The following RADIL variants were observed in gnomAD, a reference collection of about 807,000 sequenced individuals.
The protein encoded by RADIL is ras-associating and dilute domain-containing protein.
In RADIL, 99 loss-of-function variants were observed where a neutral mutation model predicts 97.6. That is an observed-to-expected ratio of 1.01 (90% CI 0.86 to 1.20). RADIL has a LOEUF of 1.20. Among genes scored for constraint, RADIL ranks in the 50% most tolerant of loss-of-function variants. The pLI is 0.00. For missense variants in RADIL, 1,765 were observed against 1,498.9 expected, an observed-to-expected ratio of 1.18 and a Z score of -2.93; for synonymous variants, 803 against 691.8, an observed-to-expected ratio of 1.16 and a Z score of -2.52.
Position 4,834,830 on chromosome 7 carries a change from G to A in RADIL, c.1193C>T (p.Ala398Val), listed in dbSNP as rs1783249319. The A allele has an allele frequency of 2.3e-6, 3 of 1,316,968 alleles. No homozygotes were observed. Among genetic ancestry groups the A allele is most frequent in the Non-Finnish European group, 2.9e-6 (3 of 1,030,652 alleles). 81.6% of individuals were successfully genotyped at this position (1,316,968 alleles called of 1,614,324 possible). A position where few individuals can be genotyped will look rare whatever the true frequency, so the allele number is the denominator to read the frequency against. ...GAGCAGCTGCTGGCGCCGGGGCAGG[G>A]CGGCCTGAGTAGGGGAGGCGGCTCC... ...ARGAASPTQA[A>V]LPRRQQLLLE... Residue 398 changes from alanine (A) to valine (V), a missense_variant, in exon 4 of 15, where the codon GCC becomes GTC. Physicochemically the swap from Ala to Val is moderately conservative, Grantham distance 64. Coordinates refer to ENST00000399583, the MANE Select transcript of RADIL (RefSeq NM_018059.5). This position sits in a 1 kb window ranked among gnomAD's most constrained non-coding sequence, Gnocchi z 6.0.
At position 4,835,860 on chromosome 7, in the gene RADIL, C is replaced by T. The variant is rs902016001; in HGVS notation, c.783+498G>A. ...GGTGGCCCTGCGCCTGGCATTTGCT[C>T]GGGGCGACAGCCTGCCTGCTCTGAT... On this transcript the variant is annotated intron_variant, in intron 3 of 14. Coordinates refer to ENST00000399583, the MANE Select transcript of RADIL (RefSeq NM_018059.5). The surrounding 1 kb of genome is among the most constrained non-coding windows in gnomAD (Gnocchi z 5.8). 2.0e-5 allele frequency among the ~76,000 whole-genome samples: 3 copies of T among 152,210 alleles called. No individual in the cohort carries two copies. The highest frequency in any genetic ancestry group is 2.1e-4 in the South Asian group (1 of 4,832).
chr7:4,802,996 G>A (rs1782162758), intron 11 of RADIL, among the ~76,000 whole-genome samples: 1 of 79,118 alleles, frequency 1.3e-5, no homozygotes, highest in Non-Finnish European at 2.3e-5. Context: ...GGGCACTCTG[G>A]CTGGGCCCCC....
At chr7:4,846,143 T>C (rs1226406319) in intron 2 of RADIL, among the ~76,000 whole-genome samples, 1 of 118,774 alleles carries the variant, frequency 8.4e-6, no homozygotes, top group Non-Finnish European at 1.8e-5. Flanking sequence ...TTTTTTTTTT[T>C]TTAAAGAGAC....
chr7:4,874,302 C>A (rs1309380898), intron 2 of RADIL, among the ~76,000 whole-genome samples: 2 of 152,260 alleles, frequency 1.3e-5, no homozygotes, highest in Non-Finnish European at 2.9e-5. Context: ...CTGTTTGAGG[C>A]AGGGCTGTCC....
chr7:4,815,368 G>A lies in RADIL; in HGVS notation c.2049C>T (p.Ser683=), dbSNP rs374023405. 6 of 1,560,934 alleles carry A rather than the reference G, an allele frequency of 3.8e-6. No homozygotes were observed. The highest frequency in any genetic ancestry group is 3.9e-5 in the Admixed American group (2 of 51,408). ...RLQQLLEWMR[S]AGFGAAGEHF... is the part of the protein sequence containing the mutation. ...GCTCTCCAGCCGCCCCGAAGCCGGC[G>A]CTCCGCATCCACTCCAGGAGCTGCT... Residue 683 remains serine, a synonymous_variant, in exon 9 of 15, where the codon AGC becomes AGT. Coordinates refer to ENST00000399583, the MANE Select transcript of RADIL (RefSeq NM_018059.5). This position sits in a 1 kb window ranked among gnomAD's most constrained non-coding sequence, Gnocchi z 8.0.
intron 14 of RADIL, 69 bp from the exon 15 acceptor site, chr7:4,799,552 C>T (rs980527448): frequency 5.0e-6 from 8 of 1,611,828 alleles, no homozygotes; most frequent in Non-Finnish European, 5.9e-6. Flanking sequence ...TGCAGCCGGG[C>T]CTCTCCTTTA....
At position 4,822,822 on chromosome 7, in the gene RADIL, T is replaced by C. The variant is rs1335894024; in HGVS notation, c.1455-268A>G. On this transcript the variant is annotated intron_variant, in intron 5 of 14. Transcript: ENST00000399583. This position sits in a 1 kb window ranked among gnomAD's most constrained non-coding sequence, Gnocchi z 5.3. The stretch of plus-strand genomic sequence containing the variant: ...TTGGTAAAAAACCTCGGTAAGTAGA[T>C]GGCTTGCATGTCTTCTCTTTTGGAA... Among the ~76,000 whole-genome samples, 3 of 152,162 alleles carry C rather than the reference T, an allele frequency of 2.0e-5. No homozygotes were observed. The highest frequency in any genetic ancestry group is 1.3e-4 in the Admixed American group (2 of 15,270).
intron 2 of RADIL, among the ~76,000 whole-genome samples, chr7:4,851,556 A>C (rs1182242085): frequency 2.0e-5 from 3 of 152,202 alleles, no homozygotes; most frequent in Non-Finnish European, 4.4e-5. Flanking sequence ...TGGAGGAAGG[A>C]GGGTTCTTGT....
intron 2 of RADIL, among the ~76,000 whole-genome samples, chr7:4,868,604 T>G (rs1205562842): frequency 1.3e-5 from 2 of 152,236 alleles, no homozygotes; most frequent in East Asian, 3.8e-4. Flanking sequence ...TGTGCCAGCT[T>G]CACGTTTTCT....
At chr7:4,836,657 A>T in intron 2 of RADIL, 52 bp from the exon 3 acceptor site, 1 of 1,597,976 alleles carries the variant, frequency 6.3e-7, no homozygotes, top group Non-Finnish European at 8.5e-7. Context: ...TAGCACCAGG[A>T]CTGGGCGCGG....
rs999810910 is a variant in RADIL at position 4,821,147 on chromosome 7, G to A, written c.1615+1247C>T. On this transcript the variant is annotated intron_variant, in intron 6 of 14. Coordinates refer to ENST00000399583, the MANE Select transcript of RADIL (RefSeq NM_018059.5). The surrounding 1 kb of genome is among the most constrained non-coding windows in gnomAD (Gnocchi z 5.2). The stretch of plus-strand genomic sequence containing the variant: ...GCCTGCGCCTCCCTCGAAGCTCAGA[G>A]ACGCAGCCTGGAGCAGCTCTGAATG... 6.6e-6 allele frequency among the ~76,000 whole-genome samples: 1 copy of A among 152,208 alleles called. No individual in the cohort carries two copies. The highest frequency in any genetic ancestry group is 1.5e-5 in the Non-Finnish European group (1 of 68,024).
chr7:4,878,229 G>T lies in RADIL; in HGVS notation c.-64-26C>A. 6.7e-6 allele frequency: 9 copies of T among 1,346,634 alleles called. No individual in the cohort carries two copies. The highest frequency in any genetic ancestry group is 2.5e-5 in the East Asian group (1 of 39,512). 83.4% of individuals were successfully genotyped at this position (1,346,634 alleles called of 1,614,324 possible). On this transcript the variant is annotated intron_variant, in intron 1 of 14. Transcript: ENST00000399583. This position sits in a 1 kb window ranked among gnomAD's most constrained non-coding sequence, Gnocchi z 4.1. ...CTGGGTGAAAAAGTGAGAGAGGTTA[G>T]CGCCAACCATCGTGACCACCAAGAG... is the stretch of plus-strand genomic sequence containing the variant.
intron 5 of RADIL, among the ~76,000 whole-genome samples, chr7:4,829,206 T>A (rs1783074892): frequency 6.6e-6 from 1 of 152,158 alleles, no homozygotes; most frequent in Non-Finnish European, 1.5e-5. Flanking sequence ...AGGCTGTCCA[T>A]CACCCTTCGA....
In RADIL at chr7:4,854,380, T is replaced by C. The variant is rs1783778131; in HGVS notation, c.536-17775A>G. 6.6e-6 allele frequency among the ~76,000 whole-genome samples: 1 copy of C among 152,160 alleles called. No individual in the cohort carries two copies. The highest frequency in any genetic ancestry group is 1.5e-5 in the Non-Finnish European group (1 of 68,030). On this transcript the variant is annotated intron_variant, in intron 2 of 14. Coordinates refer to ENST00000399583, the MANE Select transcript of RADIL (RefSeq NM_018059.5). The surrounding 1 kb of genome is among the most constrained non-coding windows in gnomAD (Gnocchi z 5.1). Reference sequence around the variant, plus strand: ...TTCTGGGGAGGGTGGTGTTTGGTTTTTGTCATTGTTGATAAAGAGGTTACC... The same window carrying C: ...TTCTGGGGAGGGTGGTGTTTGGTTTCTGTCATTGTTGATAAAGAGGTTACC...
At position 4,819,818 on chromosome 7, in the gene RADIL, G is replaced by C. The variant is rs535010187; in HGVS notation, c.1616-2467C>G. Among the ~76,000 whole-genome samples the C allele has an allele frequency of 6.6e-6, 1 of 152,160 alleles. No homozygotes were observed. The highest frequency in any genetic ancestry group is 2.4e-5 in the African/African-American group (1 of 41,434). On this transcript the variant is annotated intron_variant, in intron 6 of 14. Coordinates refer to ENST00000399583, the MANE Select transcript of RADIL (RefSeq NM_018059.5). This position sits in a 1 kb window ranked among gnomAD's most constrained non-coding sequence, Gnocchi z 5.8. ...GGTGCCTGCCTGGCCCTCGACACCCGGAGCCTGCAGGCATCCCTGGGCCCT... is the reference window on the plus strand; with the variant it reads ...GGTGCCTGCCTGGCCCTCGACACCCCGAGCCTGCAGGCATCCCTGGGCCCT...
At chr7:4,805,395 G>C (rs1782270428) in intron 10 of RADIL, 171 bp downstream of exon 10, 1 of 724,414 alleles carries the variant, frequency 1.4e-6, no homozygotes, top group South Asian at 4.8e-5. Flanking sequence ...CCCCAGGTTG[G>C]GGATGGGGCG....
In RADIL at chr7:4,800,251, T is replaced by G; in HGVS notation, c.2902A>C (p.Thr968Pro). 1 of 1,569,754 alleles carries G rather than the reference T, an allele frequency of 6.4e-7. No homozygotes were observed. Among genetic ancestry groups the G allele is most frequent in the African/African-American group, 1.4e-5 (1 of 73,104 alleles). ...GTGAAGACGTAGCAGAAGTCCTCGG[T>G]GCTGGAGCTGCGGCTGGACGGGGCT... Reference protein sequence around the residue: ...PPAPSSRSSSTEDFCYVFTVE... With the variant: ...PPAPSSRSSSPEDFCYVFTVE... The change falls in exon 13 of 15, where the codon ACC becomes CCC. Residue 968 changes from threonine (T) to proline (P), a missense_variant. Physicochemically the swap from Thr to Pro is conservative, Grantham distance 38. Coordinates refer to ENST00000399583, the MANE Select transcript of RADIL (RefSeq NM_018059.5).
At chr7:4,802,923 T>TGGG (rs1314758376) in intron 11 of RADIL, among the ~76,000 whole-genome samples, 2 of 113,324 alleles carry the variant, frequency 1.8e-5, no homozygotes, top group Admixed American at 8.1e-5. Context: ...GAATGCTGGC[T>TGGG]GGGTCCCCTC....
chr7:4,804,167 G>A (rs1782214487), intron 10 of RADIL: 3 of 293,968 alleles, frequency 1.0e-5, no homozygotes, highest in South Asian at 6.9e-5. Flanking sequence ...GGAATCACGG[G>A]ACCCAAACGG....
Sources: gnomAD v4.1 joint callset for allele counts (sites outside exome capture counted in the v4.1 genomes callset) on GRCh38, gnomAD v4.1.1 for gene constraint, Gnocchi (gnomAD v3.1) non-coding constraint, MANE v1.5 for transcripts, NCBI Gene and HGNC (gene_info 2026-07-23, HGNC 2026-07-21) for gene names.